The following TENT5C variants were observed in gnomAD, a reference collection of about 807,000 sequenced individuals.
TENT5C encodes family with sequence similarity 46 member C.
TENT5C carries 5 observed loss-of-function variants against 22.2 expected under a neutral mutation model. That is an observed-to-expected ratio of 0.22 (90% CI 0.12 to 0.47). TENT5C has a LOEUF of 0.47. Among genes scored for constraint, TENT5C ranks in the 20% least tolerant of loss-of-function variants. TENT5C has a pLI of 0.99. For missense variants in TENT5C, 364 were observed against 500.9 expected (o/e 0.73, Z 2.61); for synonymous variants, 199 against 195.4 (o/e 1.02, Z -0.15).
At chr1:117,614,297 GT>G (rs1653730297) in intron 1 of TENT5C, among the ~76,000 whole-genome samples, 1 of 152,194 alleles carries the variant, frequency 6.6e-6, no homozygotes, top group African/African-American at 2.4e-5. Context: ...GTTGACCCTG[GT>G]TTTTCTCGTT....
chr1:117,620,096 C>G (rs1653861426), intron 1 of TENT5C, among the ~76,000 whole-genome samples: 2 of 152,104 alleles, frequency 1.3e-5, no homozygotes, highest in African/African-American at 4.8e-5. Flanking sequence ...TGTACTTCCC[C>G]CCACCAAAAA....
Position 117,623,505 on chromosome 1 carries a change from G to A in TENT5C, c.637G>A (p.Glu213Lys). The change falls in exon 2 of 2, where the codon GAG becomes AAG. Residue 213 changes from glutamate (E) to lysine (K), a missense_variant. Glu to Lys is a moderately conservative substitution (Grantham distance 56, BLOSUM62 1). Around this residue, in one of 3 missense-constraint regions of TENT5C, gnomAD observed 303 missense variants for 394.5 expected, o/e 0.77. Transcript: ENST00000369448. Reference sequence around the variant, plus strand: ...GCACTTCCACCCCACCGTGATTGGGGAGAGCATGTACGGGGACTTTGAGGA... The same window carrying A: ...GCACTTCCACCCCACCGTGATTGGGAAGAGCATGTACGGGGACTTTGAGGA... The part of the protein sequence containing the change: ...SEHFHPTVIG[E>K]SMYGDFEEAF... 6.2e-7 allele frequency: 1 copy of A among 1,614,072 alleles called. No individual in the cohort carries two copies. Among genetic ancestry groups the A allele is most frequent in the South Asian group, 1.1e-5 (1 of 91,058 alleles).
At chr1:117,612,544 C>G (rs541412408) in intron 1 of TENT5C, among the ~76,000 whole-genome samples, 1 of 152,250 alleles carries the variant, frequency 6.6e-6, no homozygotes, top group East Asian at 1.9e-4. Context: ...TTTGAGCTGT[C>G]TGGTGACAGC....
chr1:117,616,134 T>A (rs1259534331), intron 1 of TENT5C, among the ~76,000 whole-genome samples: 1 of 152,212 alleles, frequency 6.6e-6, no homozygotes. Flanking sequence ...GTTGAGGACC[T>A]GGGGTCAATT....
In TENT5C at chr1:117,625,266, A is replaced by G. The variant is rs1653982750; in HGVS notation, c.*1222A>G. 1 of 248,056 alleles carries G rather than the reference A, an allele frequency of 4.0e-6. No individual in the cohort carries two copies. The highest frequency in any genetic ancestry group is 5.6e-5 in the Admixed American group (1 of 17,776). The allele number at this position is 248,056 out of a possible 1,614,324, so 15.4% of individuals were successfully genotyped here. ...AAGGGGAAGCTGGGGGGTTAGCATG[A>G]AGTCTGGCCTTGTGTGCATTGGAGC... On this transcript the variant is annotated 3_prime_UTR_variant, in exon 2 of 2. Transcript: ENST00000369448.
In TENT5C at chr1:117,624,088, T is replaced by A; in HGVS notation, c.*44T>A. 1 of 1,523,342 alleles carries A rather than the reference T, an allele frequency of 6.6e-7. No homozygotes were observed. Among genetic ancestry groups the A allele is most frequent in the Non-Finnish European group, 8.9e-7 (1 of 1,123,178 alleles). 94.4% of individuals were successfully genotyped at this position (1,523,342 alleles called of 1,614,324 possible). On this transcript the variant is annotated 3_prime_UTR_variant, in exon 2 of 2. Coordinates refer to ENST00000369448, the MANE Select transcript of TENT5C (RefSeq NM_017709.4). ...TCCACAGTGGGAACCCCAATAGGGC[T>A]AGGGCTCTCAGGTAGGGGAGCCTCC...
Position 117,615,405 on chromosome 1 carries a change from T to C in TENT5C, c.-27-7437T>C, listed in dbSNP as rs560309507. Among the ~76,000 whole-genome samples the C allele has an allele frequency of 9.2e-5, 14 of 152,362 alleles. No individual in the cohort carries two copies. In the South Asian group the frequency reaches 2.3e-3, roughly 25 times the overall value. On this transcript the variant is annotated intron_variant, in intron 1 of 1. Transcript: ENST00000369448. ...TCCTCTTTGTTCTCCAGTTTTCCCATCTGTAAGTGGGGGAGTAGGAGGAAT... is the reference window on the plus strand; with the variant it reads ...TCCTCTTTGTTCTCCAGTTTTCCCACCTGTAAGTGGGGGAGTAGGAGGAAT...
intron 1 of TENT5C, among the ~76,000 whole-genome samples, chr1:117,622,222 A>G (rs1441377762): frequency 1.3e-5 from 2 of 152,224 alleles, no homozygotes; most frequent in African/African-American, 4.8e-5. Context: ...CTAAGGGAAT[A>G]TACTTTATTC....
In TENT5C at chr1:117,607,987, T is replaced by C. The variant is rs1056876132; in HGVS notation, c.-28+1834T>C. Among the ~76,000 whole-genome samples, 8 of 152,098 alleles carry C rather than the reference T, an allele frequency of 5.3e-5. 1 individual carries two copies. The highest frequency in any genetic ancestry group is 4.6e-4 in the Admixed American group (7 of 15,276). The stretch of plus-strand genomic sequence containing the variant: ...TACCCATAGCTTTAGAGTACATATA[T>C]TCTCAATAAAGAGTTTTTAGGAAGA... On this transcript the variant is annotated intron_variant, in intron 1 of 1. Transcript: ENST00000369448.
In TENT5C at chr1:117,624,238, C is replaced by T; in HGVS notation, c.*194C>T. On this transcript the variant is annotated 3_prime_UTR_variant, in exon 2 of 2. Transcript: ENST00000369448. Reference sequence around the variant, plus strand: ...GTATCATGAGCCAACCCTCAAAGGACCCGTATTACAGTGCCACGTTGGAAA... The same window carrying T: ...GTATCATGAGCCAACCCTCAAAGGATCCGTATTACAGTGCCACGTTGGAAA... 1.7e-6 allele frequency: 1 copy of T among 577,510 alleles called. No individual in the cohort carries two copies. Among genetic ancestry groups the T allele is most frequent in the Middle Eastern group, 4.6e-4 (1 of 2,178 alleles). The allele number at this position is 577,510 out of a possible 1,614,324, so 35.8% of individuals were successfully genotyped here. A position where few individuals can be genotyped will look rare whatever the true frequency, so the allele number is the denominator to read the frequency against.
chr1:117,626,707 ATG>A lies in TENT5C; in HGVS notation c.*2673_*2674del. 4.0e-6 allele frequency: 1 copy of A among 247,866 alleles called. No homozygotes were observed. Among genetic ancestry groups the A allele is most frequent in the Non-Finnish European group, 8.5e-6 (1 of 118,008 alleles). 15.4% of individuals were successfully genotyped at this position (247,866 alleles called of 1,614,324 possible). A position where few individuals can be genotyped will look rare whatever the true frequency, so the allele number is the denominator to read the frequency against. ...TGGTTCCTATTTTATGTGTGTGTGT[ATG>A]TGTGTGTGTTGAGTAACATGAAACT... On this transcript the variant is annotated 3_prime_UTR_variant, in exon 2 of 2. Coordinates refer to ENST00000369448, the MANE Select transcript of TENT5C (RefSeq NM_017709.4).
chr1:117,618,534 G>A (rs1175576094), intron 1 of TENT5C, among the ~76,000 whole-genome samples: 1 of 151,960 alleles, frequency 6.6e-6, no homozygotes, highest in African/African-American at 2.4e-5. Flanking sequence ...TGGAGGTGAA[G>A]CTTCCAAGTG....
chr1:117,618,520 A>T (rs970197426), intron 1 of TENT5C, among the ~76,000 whole-genome samples: 1 of 151,578 alleles, frequency 6.6e-6, no homozygotes, highest in African/African-American at 2.4e-5. Flanking sequence ...CAGCATTTAC[A>T]TCTTGGAGGT....
At chr1:117,622,490 G>T (rs1243502990) in intron 1 of TENT5C, among the ~76,000 whole-genome samples, 1 of 152,176 alleles carries the variant, frequency 6.6e-6, no homozygotes, top group Non-Finnish European at 1.5e-5. Flanking sequence ...CAGAAAGCTG[G>T]AGGAGTAACT....
chr1:117,623,845 G>A lies in TENT5C; in HGVS notation c.977G>A (p.Arg326His), dbSNP rs755966473. ...ACCGTGTGTCTCATGGGGCATGAAC[G>A]CAGGCAGACTCTGAACCTCATCTCC... ...ESTVCLMGHE[R>H]RQTLNLISLL... Residue 326 changes from arginine to histidine, a missense_variant, in exon 2 of 2, where the codon CGC (arginine) becomes CAC (histidine). By Grantham distance (29) the Arg-to-His change is conservative. Coordinates refer to ENST00000369448, the MANE Select transcript of TENT5C (RefSeq NM_017709.4). 1.2e-6 allele frequency: 2 copies of A among 1,614,020 alleles called. No individual in the cohort carries two copies. The highest frequency in any genetic ancestry group is 8.5e-7 in the Non-Finnish European group (1 of 1,180,038).
intron 1 of TENT5C, among the ~76,000 whole-genome samples, chr1:117,612,229 C>T (rs1427588527): frequency 6.6e-6 from 1 of 152,088 alleles, no homozygotes; most frequent in Non-Finnish European, 1.5e-5. Context: ...TAGGCATGCA[C>T]ATTTTTGAAA....
At position 117,627,011 on chromosome 1, in the gene TENT5C, C is replaced by G. The variant is rs1654027750; in HGVS notation, c.*2967C>G. ...TTACCTTGGCAGTAACACATTATTC[C>G]TCATTCAATAATTTCAATGCTGAAA... On this transcript the variant is annotated 3_prime_UTR_variant, in exon 2 of 2. Transcript: ENST00000369448. 3 of 248,112 alleles carry G rather than the reference C, an allele frequency of 1.2e-5. No individual in the cohort carries two copies. The highest frequency in any genetic ancestry group is 3.6e-4 in the South Asian group (2 of 5,526). 15.4% of individuals were successfully genotyped at this position (248,112 alleles called of 1,614,324 possible).
chr1:117,617,374 T>A (rs1232375051), intron 1 of TENT5C, among the ~76,000 whole-genome samples: 1 of 147,296 alleles, frequency 6.8e-6, no homozygotes, highest in African/African-American at 2.5e-5. Context: ...CTGCTATCTC[T>A]GCAAACCTCT....
At chr1:117,618,531 G>A (rs1417533618) in intron 1 of TENT5C, among the ~76,000 whole-genome samples, 1 of 151,622 alleles carries the variant, frequency 6.6e-6, no homozygotes, top group South Asian at 2.1e-4. Flanking sequence ...TCTTGGAGGT[G>A]AAGCTTCCAA....
Sources: allele counts gnomAD v4.1 joint callset (sites outside exome capture counted in the v4.1 genomes callset), GRCh38; gene constraint gnomAD v4.1.1; regional missense constraint gnomAD v4.1.1; transcripts MANE v1.5; gene names NCBI Gene and HGNC (gene_info 2026-07-23, HGNC 2026-07-21).